FGGY: variants seen among roughly 807,000 people sequenced by gnomAD.
The protein encoded by FGGY is FGGY carbohydrate kinase domain-containing protein.
In FGGY, 72 loss-of-function variants were observed where a neutral mutation model predicts 71.3. The observed-to-expected ratio is 1.01, with a 90% CI of 0.84 to 1.23. FGGY has a LOEUF of 1.23. FGGY is among the 50% of genes most tolerant of loss of function. FGGY has a pLI of 0.00. For synonymous variants in FGGY, 251 were observed against 250.3 expected, an observed-to-expected ratio of 1.00 and a Z score of -0.02; for missense variants, 668 against 682.3, an observed-to-expected ratio of 0.98 and a Z score of 0.23.
intron 14 of FGGY, among the ~76,000 whole-genome samples, chr1:59,686,103 C>T (rs1449486852): frequency 1.3e-5 from 2 of 152,158 alleles, no homozygotes; most frequent in African/African-American, 2.4e-5. Context: ...AACATTGAAA[C>T]CTGACTTCGG....
chr1:59,500,208 A>G (rs2094182692), intron 6 of FGGY, among the ~76,000 whole-genome samples: 2 of 152,348 alleles, frequency 1.3e-5, no homozygotes, highest in Admixed American at 1.3e-4. Flanking sequence ...GGAAGAGCAA[A>G]GGTTTCAGAC....
intron 4 of FGGY, among the ~76,000 whole-genome samples, chr1:59,356,516 T>G (rs549064749): frequency 6.6e-6 from 1 of 152,324 alleles, no homozygotes; most frequent in East Asian, 1.9e-4. Context: ...ACCCTAGAAT[T>G]TATTGCATTA....
chr1:59,499,887 C>T (rs949815628), intron 6 of FGGY, among the ~76,000 whole-genome samples: 2 of 152,086 alleles, frequency 1.3e-5, no homozygotes, highest in African/African-American at 2.4e-5. Flanking sequence ...TCTGTAAAAT[C>T]TTTACTCTCT....
intron 14 of FGGY, among the ~76,000 whole-genome samples, chr1:59,676,213 T>C (rs1010259152): frequency 5.3e-5 from 8 of 152,116 alleles, no homozygotes; most frequent in African/African-American, 1.9e-4. Flanking sequence ...TTTTTATCCT[T>C]CTGTGATAGG....
chr1:59,663,636 A>G (rs1307396126), intron 12 of FGGY, among the ~76,000 whole-genome samples: 1 of 152,178 alleles, frequency 6.6e-6, no homozygotes, highest in East Asian at 1.9e-4. Flanking sequence ...TGTCTTAATG[A>G]CCTTTATAAT....
intron 14 of FGGY, among the ~76,000 whole-genome samples, chr1:59,700,374 A>G (rs2097699879): frequency 6.6e-6 from 1 of 152,220 alleles, no homozygotes; most frequent in African/African-American, 2.4e-5. Flanking sequence ...ACCACTTTGC[A>G]TGAATTAACT....
At chr1:59,449,758 A>T (rs1054396776) in intron 5 of FGGY, among the ~76,000 whole-genome samples, 2 of 152,118 alleles carry the variant, frequency 1.3e-5, no homozygotes, top group Non-Finnish European at 2.9e-5. Flanking sequence ...AGGCCAGCAG[A>T]TGGAGACCAG....
intron 8 of FGGY, among the ~76,000 whole-genome samples, chr1:59,568,266 T>G (rs1296293941): frequency 6.6e-6 from 1 of 152,126 alleles, no homozygotes; most frequent in Non-Finnish European, 1.5e-5. Flanking sequence ...GTTGAAGAAG[T>G]GTGGTAGACC....
chr1:59,494,161 G>A (rs2093963781), intron 6 of FGGY, among the ~76,000 whole-genome samples: 2 of 152,126 alleles, frequency 1.3e-5, no homozygotes, highest in Admixed American at 1.3e-4. Context: ...AGACAGTAAG[G>A]TTACATCACA....
At chr1:59,413,492 A>G (rs1445843950) in intron 5 of FGGY, among the ~76,000 whole-genome samples, 1 of 152,240 alleles carries the variant, frequency 6.6e-6, no homozygotes, top group Non-Finnish European at 1.5e-5. Context: ...TGGGTGAGAC[A>G]GGAGTATAAC....
At position 59,740,027 on chromosome 1, in the gene FGGY, C is replaced by T. The variant is rs191622109; in HGVS notation, c.1513-17904C>T. Reference sequence around the variant, plus strand: ...ATCCTTCTACAATGGACCACAGTTCCTGTGTGTGGCCCTTTCCCTACAATT... The same window carrying T: ...ATCCTTCTACAATGGACCACAGTTCTTGTGTGTGGCCCTTTCCCTACAATT... On this transcript the variant is annotated intron_variant, in intron 14 of 15. Coordinates refer to ENST00000303721, the MANE Select transcript of FGGY (RefSeq NM_018291.5). Among the ~76,000 whole-genome samples the T allele has an allele frequency of 1.0e-3, 156 of 152,244 alleles. 1 individual carries two copies. The highest frequency in any genetic ancestry group is 3.6e-3 in the African/African-American group (148 of 41,540).
At chr1:59,690,587 G>A (rs960557742) in intron 14 of FGGY, among the ~76,000 whole-genome samples, 3 of 152,170 alleles carry the variant, frequency 2.0e-5, no homozygotes, top group South Asian at 2.1e-4. Context: ...CATGTTTGCT[G>A]ATCTCACTCA....
intron 6 of FGGY, among the ~76,000 whole-genome samples, chr1:59,512,071 G>A (rs995015752): frequency 6.6e-6 from 1 of 152,090 alleles, no homozygotes; most frequent in Admixed American, 6.5e-5. Flanking sequence ...TCTTTATCTG[G>A]TTTGAATGAT....
intron 6 of FGGY, among the ~76,000 whole-genome samples, chr1:59,476,500 G>A (rs2093273231): frequency 6.6e-6 from 1 of 152,224 alleles, no homozygotes; most frequent in Non-Finnish European, 1.5e-5. Context: ...GGGCTGCGCT[G>A]ATACAGCTGC....
At chr1:59,482,155 G>A (rs750717714) in intron 6 of FGGY, among the ~76,000 whole-genome samples, 5 of 152,084 alleles carry the variant, frequency 3.3e-5, no homozygotes, top group Admixed American at 6.6e-5. Flanking sequence ...GTTTATAGGG[G>A]TACAGACTAA....
intron 5 of FGGY, among the ~76,000 whole-genome samples, chr1:59,421,055 G>T (rs1336465442): frequency 1.3e-5 from 2 of 152,086 alleles, no homozygotes; most frequent in Non-Finnish European, 2.9e-5. Context: ...AGAGCAAGGA[G>T]ATCTCTTTCT....
chr1:59,440,198 T>C (rs774447454), intron 5 of FGGY, among the ~76,000 whole-genome samples: 3 of 151,662 alleles, frequency 2.0e-5, no homozygotes, highest in Non-Finnish European at 4.4e-5. Context: ...CTAAGAGTGC[T>C]CTCAATTAGA....
intron 8 of FGGY, among the ~76,000 whole-genome samples, chr1:59,594,785 T>C (rs1408609574): frequency 6.6e-6 from 1 of 152,242 alleles, no homozygotes; most frequent in East Asian, 1.9e-4. Flanking sequence ...AAGAGGGTTC[T>C]GTGGGAATTC....
intron 3 of FGGY, among the ~76,000 whole-genome samples, chr1:59,344,121 T>C (rs1445940077): frequency 6.6e-6 from 1 of 152,168 alleles, no homozygotes; most frequent in Non-Finnish European, 1.5e-5. Context: ...CAATTCTGTT[T>C]ACAAAAAATT....
Sources: gnomAD v4.1 joint callset for allele counts (sites outside exome capture counted in the v4.1 genomes callset) on GRCh38, gnomAD v4.1.1 for gene constraint, MANE v1.5 for transcripts, NCBI Gene and HGNC (gene_info 2026-07-23, HGNC 2026-07-21) for gene names.